The following PTPRD variants were observed in gnomAD, a reference collection of about 807,000 sequenced individuals.
PTPRD encodes the protein protein tyrosine phosphatase receptor type D.
PTPRD carries 34 observed loss-of-function variants against 214.5 expected under a neutral mutation model. The ratio of observed to expected loss-of-function variants is 0.16; its 90% CI spans 0.12 to 0.21. The LOEUF (loss-of-function observed/expected upper bound fraction) is 0.21, where lower values mean the gene tolerates loss of function less well. Among genes scored for constraint, PTPRD ranks in the 10% least tolerant of loss-of-function variants. The pLI is 1.00. For missense variants in PTPRD, 2,545 were observed against 2,398.7 expected, an observed-to-expected ratio of 1.06 and a Z score of -1.27; for synonymous variants, 1,128 against 845.7, an observed-to-expected ratio of 1.33 and a Z score of -5.79.
chr9:8,456,446 T>G (rs2096206042), intron 33 of PTPRD, among the ~76,000 whole-genome samples: 1 of 151,452 alleles, frequency 6.6e-6, no homozygotes, highest in Non-Finnish European at 1.5e-5. Flanking sequence ...CCAAAAGGAG[T>G]GGCAGGGGAG....
chr9:8,576,876 T>C (rs1173724533), intron 14 of PTPRD, among the ~76,000 whole-genome samples: 1 of 152,190 alleles, frequency 6.6e-6, no homozygotes, highest in Non-Finnish European at 1.5e-5. Flanking sequence ...TCAACTGCTA[T>C]TGATGCTACC....
At chr9:8,624,663 G>A (rs1466319407) in intron 14 of PTPRD, among the ~76,000 whole-genome samples, 1 of 151,794 alleles carries the variant, frequency 6.6e-6, no homozygotes, top group Non-Finnish European at 1.5e-5. Flanking sequence ...CTAAAAGATA[G>A]CCAGGATCAC....
At chr9:9,351,232 G>C (rs972516799) in intron 9 of PTPRD, among the ~76,000 whole-genome samples, 1 of 151,984 alleles carries the variant, frequency 6.6e-6, no homozygotes, top group African/African-American at 2.4e-5. Context: ...GAAGGAAACT[G>C]AAATTTCTAA....
At chr9:10,496,653 T>C (rs2042123170) in intron 2 of PTPRD, among the ~76,000 whole-genome samples, 1 of 152,066 alleles carries the variant, frequency 6.6e-6, no homozygotes, top group African/African-American at 2.4e-5. Context: ...CCATTCTGAC[T>C]GGTGTAAGAT....
intron 5 of PTPRD, among the ~76,000 whole-genome samples, chr9:9,847,484 CACTA>C (rs2059752192): frequency 6.6e-6 from 1 of 152,066 alleles, no homozygotes; most frequent in Non-Finnish European, 1.5e-5. Flanking sequence ...GTTTAATTTG[CACTA>C]ACTTTTGAAA....
intron 27 of PTPRD, among the ~76,000 whole-genome samples, chr9:8,492,240 G>C (rs891308340): frequency 6.6e-6 from 1 of 152,194 alleles, no homozygotes; most frequent in African/African-American, 2.4e-5. Context: ...CATGAACCCA[G>C]TTCAAGATGG....
chr9:8,810,351 T>C (rs553424621), intron 11 of PTPRD, among the ~76,000 whole-genome samples: 1 of 152,300 alleles, frequency 6.6e-6, no homozygotes, highest in African/African-American at 2.4e-5. Flanking sequence ...TCCTGCTTGG[T>C]TACCTTCTTC....
chr9:8,808,462 C>CTTTTTTTTT (rs34627797), intron 11 of PTPRD, among the ~76,000 whole-genome samples: 25 of 98,756 alleles, frequency 2.5e-4, no homozygotes, highest in Admixed American at 2.5e-4. Context: ...AGCCCCCCAC[C>CTTTTTTTTT]TTTTTTTTTT....
At chr9:10,030,483 A>C (rs1363847575) in intron 4 of PTPRD, among the ~76,000 whole-genome samples, 1 of 152,172 alleles carries the variant, frequency 6.6e-6, no homozygotes, top group Admixed American at 6.5e-5. Flanking sequence ...ACGAGATAGA[A>C]ATGACCCTTG....
intron 10 of PTPRD, among the ~76,000 whole-genome samples, chr9:9,024,365 T>C (rs2099580351): frequency 6.7e-6 from 1 of 149,954 alleles, no homozygotes; most frequent in Non-Finnish European, 1.5e-5. Context: ...TTTTTTTTTT[T>C]CCTGTATAAA....
chr9:9,708,988 G>A (rs1363205696), intron 7 of PTPRD, among the ~76,000 whole-genome samples: 2 of 151,848 alleles, frequency 1.3e-5, no homozygotes, highest in Non-Finnish European at 2.9e-5. Flanking sequence ...TATACCATGA[G>A]CTTCTTGAGG....
At chr9:9,839,327 T>G (rs1293889286) in intron 5 of PTPRD, among the ~76,000 whole-genome samples, 1 of 152,118 alleles carries the variant, frequency 6.6e-6, no homozygotes, top group Non-Finnish European at 1.5e-5. Context: ...CAAAATCTCC[T>G]TAAGCTGATA....
intron 13 of PTPRD, among the ~76,000 whole-genome samples, chr9:8,635,614 A>G (rs1486173508): frequency 1.3e-5 from 2 of 152,132 alleles, no homozygotes; most frequent in East Asian, 1.9e-4. Context: ...TATGAAAATA[A>G]GTAAAATAAA....
chr9:9,967,464 A>G (rs2094784572), intron 4 of PTPRD, among the ~76,000 whole-genome samples: 2 of 152,146 alleles, frequency 1.3e-5, no homozygotes, highest in Non-Finnish European at 2.9e-5. Flanking sequence ...TGGTTGAGAG[A>G]GGGAAGGAAG....
At chr9:9,975,985 GGTCATTATCAGCTTTGGATAGCT>G (rs200661639) in intron 4 of PTPRD, among the ~76,000 whole-genome samples, 1 of 152,172 alleles carries the variant, frequency 6.6e-6, no homozygotes, top group East Asian at 1.9e-4. Context: ...ATTCCCTTCA[GGTCATTATCAGCTTTGGATAGCT>G]GGAGTAAACT....
chr9:9,504,687 A>G (rs2096529033), intron 8 of PTPRD, among the ~76,000 whole-genome samples: 1 of 151,686 alleles, frequency 6.6e-6, no homozygotes. Flanking sequence ...AAACGCATCC[A>G]AGTCTGAAAG....
intron 6 of PTPRD, among the ~76,000 whole-genome samples, chr9:9,753,068 G>C (rs2098537119): frequency 6.6e-6 from 1 of 152,024 alleles, no homozygotes; most frequent in African/African-American, 2.4e-5. Flanking sequence ...ATTGTGAGAA[G>C]AAATGTTAGA....
At chr9:9,108,923 C>T (rs1293655397) in intron 10 of PTPRD, among the ~76,000 whole-genome samples, 1 of 152,142 alleles carries the variant, frequency 6.6e-6, no homozygotes, top group African/African-American at 2.4e-5. Context: ...AATTAACTGG[C>T]ATTTCCACTT....
At chr9:8,499,599 G>A (rs764372635) in intron 25 of PTPRD, 48 bp downstream of exon 25, 1 of 1,560,726 alleles carries the variant, frequency 6.4e-7, no homozygotes, top group African/African-American at 1.4e-5. Flanking sequence ...TATGAACTAA[G>A]ATAAACTTAT....
Sources: allele counts gnomAD v4.1 joint callset (sites outside exome capture counted in the v4.1 genomes callset), GRCh38; gene constraint gnomAD v4.1.1; transcripts MANE v1.5; gene names NCBI Gene and HGNC (gene_info 2026-07-23, HGNC 2026-07-21).